Variants in DNAH1 observed in about 807,000 individuals in gnomAD.
DNAH1 encodes the protein dynein axonemal heavy chain 1.
Under a neutral mutation model 484.3 loss-of-function variants are expected in DNAH1, and 327 were observed. The observed-to-expected ratio is 0.68, with a 90% CI of 0.62 to 0.74. The LOEUF (loss-of-function observed/expected upper bound fraction) is 0.74. DNAH1 is among the 30% of genes least tolerant of loss of function. The pLI is 0.00. For synonymous variants in DNAH1, 2,192 were observed against 2,191.9 expected (o/e 1.00, Z 0.00); for missense variants, 5,052 against 5,546.8 (o/e 0.91, Z 2.83).
Position 52,326,169 on chromosome 3 carries a change from C to T in DNAH1, c.436C>T (p.Gln146Ter), listed in dbSNP as rs747954653. Residue 146 changes from glutamine (Q) to a stop codon, truncating the protein, a stop_gained, in exon 4 of 78, where the codon CAG (glutamine) becomes TAG (stop). Transcript: ENST00000420323. LOFTEE classifies it high-confidence loss of function. ...VGSFEVPEDFQERMEQQCIGS... is the reference protein window; with the variant it reads ...VGSFEVPEDF Reference sequence around the variant, plus strand: ...AAGCTTTGAGGTTCCTGAAGACTTCCAGGAGCGCATGGAGCAGCAGTGCAT... The same window carrying T: ...AAGCTTTGAGGTTCCTGAAGACTTCTAGGAGCGCATGGAGCAGCAGTGCAT... 6.2e-7 allele frequency: 1 copy of T among 1,611,524 alleles called. No individual in the cohort carries two copies.
chr3:52,363,603 G>C (rs1210011676), intron 32 of DNAH1, among the ~76,000 whole-genome samples: 2 of 152,248 alleles, frequency 1.3e-5, no homozygotes, highest in African/African-American at 2.4e-5. Flanking sequence ...CCAGGCACCA[G>C]TGCTGGTGGA....
At position 52,394,662 on chromosome 3, in the gene DNAH1, G is replaced by C; in HGVS notation, c.10823+1G>C. 1.3e-6 allele frequency: 2 copies of C among 1,561,504 alleles called. No homozygotes were observed. The highest frequency in any genetic ancestry group is 8.7e-7 in the Non-Finnish European group (1 of 1,149,924). ...TCTTCGACAGCCTTGAGCCCCACCG[G>C]TTAGCTGGGCCCCAGAATATGGCAG... On this transcript the variant is annotated splice_donor_variant, in intron 67 of 77. Transcript: ENST00000420323. LOFTEE classifies it high-confidence loss of function.
chr3:52,397,789 T>C lies in DNAH1; in HGVS notation c.11870T>C (p.Phe3957Ser), dbSNP rs572980932. 1 of 1,613,848 alleles carries C rather than the reference T, an allele frequency of 6.2e-7. No homozygotes were observed. Among genetic ancestry groups the C allele is most frequent in the East Asian group, 2.2e-5 (1 of 44,880 alleles). ...FGLHDNANIT[F>S]AQNETFALLG... ...CTGCATGACAATGCCAACATCACCT[T>C]TGCCCAGAACGAGACGTTCGCCCTC... The change falls in exon 74 of 78, where the codon TTT becomes TCT. Residue 3957 changes from phenylalanine (F) to serine (S), a missense_variant. Phe to Ser is a radical substitution (Grantham distance 155). Transcript: ENST00000420323.
intron 44 of DNAH1, chr3:52,373,917 T>C (rs13076890): frequency 0.17 from 236,384 of 1,352,182 alleles, 22,468 homozygotes; most frequent in African/African-American, 0.27. Flanking sequence ...AGAATTTGAC[T>C]CAGAGGAAGA....
In DNAH1 at chr3:52,362,996, C is replaced by T. The variant is rs954066157; in HGVS notation, c.5096C>T (p.Ala1699Val). The change falls in exon 32 of 78, where the codon GCG (alanine) becomes GTG (valine). Residue 1699 changes from alanine to valine, a missense_variant and splice_region_variant. Physicochemically the swap from Ala to Val is moderately conservative, Grantham distance 64. Coordinates refer to ENST00000420323, the MANE Select transcript of DNAH1 (RefSeq NM_015512.5). This position sits in a 1 kb window ranked among gnomAD's most constrained non-coding sequence, Gnocchi z 5.1. The part of the protein sequence containing the change: ...GRTELPDNLK[A>V]LFRPVAMMVP... Reference sequence around the variant, plus strand: ...TCACATGTGCACTGTGTGTCCCAGGCGCTCTTCCGACCCGTGGCCATGATG... The same window carrying T: ...TCACATGTGCACTGTGTGTCCCAGGTGCTCTTCCGACCCGTGGCCATGATG... 2.5e-6 allele frequency: 4 copies of T among 1,613,820 alleles called. No individual in the cohort carries two copies. Among genetic ancestry groups the T allele is most frequent in the South Asian group, 1.1e-5 (1 of 91,084 alleles).
At chr3:52,384,076 G>C in intron 52 of DNAH1, 45 bp downstream of exon 52, 1 of 1,512,836 alleles carries the variant, frequency 6.6e-7, no homozygotes, top group Non-Finnish European at 8.9e-7. Context: ...GACCTGTTTA[G>C]CTTGGGGCAT....
At chr3:52,365,816 C>T (rs1173150368) in intron 34 of DNAH1, among the ~76,000 whole-genome samples, 1 of 152,324 alleles carries the variant, frequency 6.6e-6, no homozygotes, top group East Asian at 1.9e-4. Context: ...CGAATGCTTC[C>T]TCCTCTGGTC....
chr3:52,390,589 T>C (rs1704327309), intron 60 of DNAH1, among the ~76,000 whole-genome samples: 1 of 152,142 alleles, frequency 6.6e-6, no homozygotes, highest in Admixed American at 6.5e-5. Context: ...TCTATGAAGA[T>C]GGTCTCATCA....
chr3:52,366,631 T>C, intron 35 of DNAH1, 83 bp downstream of exon 35: 1 of 1,552,980 alleles, frequency 6.4e-7, no homozygotes, highest in African/African-American at 1.4e-5. Context: ...TGGCCTCCAT[T>C]TGTGCCCCTT....
Position 52,393,374 on chromosome 3 carries a change from G to A in DNAH1, c.10515G>A (p.Leu3505=). 1 of 1,613,964 alleles carries A rather than the reference G, an allele frequency of 6.2e-7. No homozygotes were observed. The highest frequency in any genetic ancestry group is 2.2e-5 in the East Asian group (1 of 44,878). Residue 3505 remains leucine (L), a synonymous_variant, in exon 66 of 78, where the codon CTG becomes CTA. Transcript: ENST00000420323. ...KKRISNINRY[L]TYSLYSNVCR... is the part of the protein sequence containing the mutation. ...GCATCTCCAACATCAACCGCTACCT[G>A]ACCTACAGCCTCTACAGCAACGTCT...
chr3:52,400,225 C>T, intron 77 of DNAH1, 100 bp from the exon 78 acceptor site: 1 of 1,528,424 alleles, frequency 6.5e-7, no homozygotes, highest in African/African-American at 1.4e-5. Flanking sequence ...GGGCCCCCTC[C>T]CTGTCCTCAG....
At chr3:52,323,502 T>C (rs766270821) in intron 2 of DNAH1, among the ~76,000 whole-genome samples, 1 of 152,216 alleles carries the variant, frequency 6.6e-6, no homozygotes, top group African/African-American at 2.4e-5. Flanking sequence ...AGATACCTGC[T>C]GGCCTTGCAG....
intron 54 of DNAH1, 103 bp from the exon 55 acceptor site, chr3:52,386,057 G>A (rs1704090414): frequency 7.7e-7 from 1 of 1,305,348 alleles, no homozygotes; most frequent in South Asian, 1.5e-5. Flanking sequence ...ACAGCTGGAG[G>A]GCCCTTGGAG....
At position 52,361,686 on chromosome 3, in the gene DNAH1, G is replaced by A. The variant is rs200432701; in HGVS notation, c.4900G>A (p.Glu1634Lys). 6.2e-7 allele frequency: 1 copy of A among 1,609,762 alleles called. No individual in the cohort carries two copies. Among genetic ancestry groups the A allele is most frequent in the Admixed American group, 1.7e-5 (1 of 59,470 alleles). The change falls in exon 30 of 78, where the codon GAG becomes AAG. Residue 1634 changes from glutamate to lysine, a missense_variant. Physicochemically the swap from Glu to Lys is moderately conservative, Grantham distance 56 (BLOSUM62 1). Coordinates refer to ENST00000420323, the MANE Select transcript of DNAH1 (RefSeq NM_015512.5). The surrounding 1 kb of genome is among the most constrained non-coding windows in gnomAD (Gnocchi z 5.6). ...ASAGAWACFDEFNRIDIEVLS... is the reference protein window; with the variant it reads ...ASAGAWACFDKFNRIDIEVLS... The stretch of plus-strand genomic sequence containing the variant: ...TGCTGGGGCCTGGGCCTGCTTCGAC[G>A]AGTTCAATCGCATCGACATCGAGGT...
chr3:52,351,926 G>A (rs1352084732), intron 16 of DNAH1, 36 bp from the exon 17 acceptor site: 5 of 1,586,202 alleles, frequency 3.2e-6, no homozygotes, highest in East Asian at 2.3e-5. Context: ...CTTCAGCCGC[G>A]ATATTTCTCC....
At position 52,370,472 on chromosome 3, in the gene DNAH1, C is replaced by T; in HGVS notation, c.6259-5C>T. 6.2e-7 allele frequency: 1 copy of T among 1,613,954 alleles called. No homozygotes were observed. Among genetic ancestry groups the T allele is most frequent in the Non-Finnish European group, 8.5e-7 (1 of 1,179,888 alleles). On this transcript the variant is annotated splice_region_variant and splice_polypyrimidine_tract_variant and intron_variant, in intron 39 of 77. Transcript: ENST00000420323. The stretch of plus-strand genomic sequence containing the variant: ...TCAGCCTGATACTGTTCCCTTCATC[C>T]CCAGGGCCTCAAGAAAATACCCTCT...
intron 61 of DNAH1, 57 bp downstream of exon 61, chr3:52,391,111 T>G: frequency 6.2e-7 from 1 of 1,605,800 alleles, no homozygotes; most frequent in Non-Finnish European, 8.5e-7. Context: ...GCAAGGGCAG[T>G]GGTGAGCCGC....
intron 8 of DNAH1, among the ~76,000 whole-genome samples, chr3:52,339,168 T>C (rs1360546317): frequency 2.6e-5 from 4 of 152,208 alleles, no homozygotes; most frequent in Non-Finnish European, 4.4e-5. Context: ...TTGCTGCTGC[T>C]TTGCGTATCT....
chr3:52,358,002 G>A lies in DNAH1; in HGVS notation c.4085G>A (p.Arg1362Gln), dbSNP rs201355893. The change falls in exon 24 of 78, where the codon CGG (arginine) becomes CAG (glutamine). Residue 1362 changes from arginine (R) to glutamine (Q), a missense_variant and splice_region_variant. Around this residue, in one of 4 missense-constraint regions of DNAH1, gnomAD observed 2,929 missense variants for 3,409.4 expected, o/e 0.86. Coordinates refer to ENST00000420323, the MANE Select transcript of DNAH1 (RefSeq NM_015512.5). This position sits in a 1 kb window ranked among gnomAD's most constrained non-coding sequence, Gnocchi z 4.2. ...HLRKCFENIA[R>Q]LLFQEDLEIT... ...CGCAAGTGCTTCGAGAACATCGCTCGGGTGGGCAGCTGGGCCCGGGGCTCA... is the reference window on the plus strand; with the variant it reads ...CGCAAGTGCTTCGAGAACATCGCTCAGGTGGGCAGCTGGGCCCGGGGCTCA... 11 of 1,601,324 alleles carry A rather than the reference G, an allele frequency of 6.9e-6. No individual in the cohort carries two copies. Among genetic ancestry groups the A allele is most frequent in the Middle Eastern group, 1.7e-4 (1 of 6,036 alleles).
Sources: gnomAD v4.1 joint callset for allele counts (sites outside exome capture counted in the v4.1 genomes callset) on GRCh38, gnomAD v4.1.1 for gene constraint, gnomAD v4.1.1 regional missense constraint, Gnocchi (gnomAD v3.1) non-coding constraint, MANE v1.5 for transcripts, NCBI Gene and HGNC (gene_info 2026-07-23, HGNC 2026-07-21) for gene names.